The following USP11 variants were observed in gnomAD, a reference collection of about 807,000 sequenced individuals.
The protein encoded by USP11 is ubiquitin carboxyl-terminal hydrolase 11.
Under a neutral mutation model 72.8 loss-of-function variants are expected in USP11, and 5 were observed. The observed-to-expected ratio is 0.07, with a 90% CI of 0.04 to 0.14. USP11 has a LOEUF of 0.14. Ranked by LOEUF, USP11 falls within the 10% of genes least tolerant of loss-of-function variation. The pLI is 1.00. For synonymous variants in USP11, 368 were observed against 326.5 expected, an observed-to-expected ratio of 1.13 and a Z score of -1.37; for missense variants, 480 against 794.7, an observed-to-expected ratio of 0.60 and a Z score of 4.76.
intron 1 of USP11, chrX:47,233,602 G>C: frequency 1.3e-6 from 1 of 772,577 alleles, no homozygotes; most frequent in Non-Finnish European, 1.6e-6. Context: ...GGCGAGGAGC[G>C]GTTTCCGATT....
At position 47,233,090 on chromosome X, in the gene USP11, C is replaced by T. The variant is rs2055352819; in HGVS notation, c.47C>T (p.Ala16Val). Residue 16 changes from alanine to valine, a missense_variant, in exon 1 of 21, where the codon GCG becomes GTG. Physicochemically the swap from Ala to Val is moderately conservative, Grantham distance 64. Transcript: ENST00000377107. ...CCAGCTGCTGCTGCGGCGGCTGTGG[C>T]GGCGGCAGCGGCGGTGACTGAGGAT... is the stretch of plus-strand genomic sequence containing the variant. ...ANPAAAAAAV[A>V]AAAAVTEDRE... is the part of the protein sequence containing the mutation. 2.5e-6 allele frequency: 3 copies of T among 1,195,552 alleles called. No homozygotes were observed. Among genetic ancestry groups the T allele is most frequent in the Non-Finnish European group, 3.4e-6 (3 of 886,792 alleles).
In USP11 at chrX:47,240,318, C is replaced by T; in HGVS notation, c.549C>T (p.Arg183=). 1 of 1,211,049 alleles carries T rather than the reference C, an allele frequency of 8.3e-7. No individual in the cohort carries two copies. ...CACCCCGCACAGGCCTAGTATTGCG[C>T]ACAGCTCGGGAGCGGTTTCTGGTGG... is the stretch of plus-strand genomic sequence containing the variant. ...SHTDSIGLVL[R]TARERFLVEP... Residue 183 remains arginine, a synonymous_variant, in exon 5 of 21, where the codon CGC becomes CGT. Coordinates refer to ENST00000377107, the MANE Select transcript of USP11 (RefSeq NM_001371072.1).
At chrX:47,238,918 T>G (rs2055388481) in intron 1 of USP11, 152 bp from the exon 2 acceptor site, 1 of 425,141 alleles carries the variant, frequency 2.4e-6, no homozygotes, top group African/African-American at 2.5e-5. Flanking sequence ...TTTCACTGAA[T>G]AAATTTTGCT....
chrX:47,238,047 A>G (rs2055382731), intron 1 of USP11, among the ~76,000 whole-genome samples: 1 of 111,733 alleles, frequency 8.9e-6, no homozygotes, highest in South Asian at 3.6e-4. Flanking sequence ...GTTGAACTGT[A>G]TACTGAAAAA....
At chrX:47,237,130 A>G (rs2055375915) in intron 1 of USP11, among the ~76,000 whole-genome samples, 2 of 112,109 alleles carry the variant, frequency 1.8e-5, no homozygotes. Context: ...TCTGCTCTTA[A>G]AAAGAAGTTG....
At chrX:47,234,847 C>T (rs923711644) in intron 1 of USP11, among the ~76,000 whole-genome samples, 2 of 111,672 alleles carry the variant, frequency 1.8e-5, no homozygotes, top group Middle Eastern at 4.6e-3. Flanking sequence ...ATGCTGTACA[C>T]TCTAAATATA....
chrX:47,246,686 C>T (rs974920856), intron 17 of USP11, among the ~76,000 whole-genome samples: 6 of 110,259 alleles, frequency 5.4e-5, no homozygotes, highest in African/African-American at 6.6e-5. Context: ...AGACATGGCA[C>T]GTGAGAGGCA....
Position 47,239,805 on chromosome X carries a change from A to G in USP11, c.433A>G (p.Asn145Asp). Residue 145 changes from asparagine (N) to aspartate (D), a missense_variant, in exon 4 of 21, where the codon AAC becomes GAC. Coordinates refer to ENST00000377107, the MANE Select transcript of USP11 (RefSeq NM_001371072.1). ...ACTCTTACAGGTCATAGAGCTGCCC[A>G]ACATCCAGAAGGTCGAAGTGTACCC... ...PIERKVIELP[N>D]IQKVEVYPVE... 1 of 1,211,803 alleles carries G rather than the reference A, an allele frequency of 8.3e-7. No individual in the cohort carries two copies. Among genetic ancestry groups the G allele is most frequent in the South Asian group, 1.8e-5 (1 of 56,992 alleles).
Position 47,247,412 on chromosome X carries a change from T to C in USP11, c.2529T>C (p.Asp843=). 8.3e-7 allele frequency: 1 copy of C among 1,210,538 alleles called. No homozygotes were observed. Among genetic ancestry groups the C allele is most frequent in the African/African-American group, 1.7e-5 (1 of 57,556 alleles). Residue 843 remains aspartate (D), a synonymous_variant, in exon 19 of 21, where the codon GAT becomes GAC. Coordinates refer to ENST00000377107, the MANE Select transcript of USP11 (RefSeq NM_001371072.1). The part of the protein sequence containing the change: ...AVSNHYGGMR[D]GHYTTFACNK... ...CCAACCATTATGGGGGCATGCGTGATGGACACTGTATGTGCCAGGCTGTGG... is the reference window on the plus strand; with the variant it reads ...CCAACCATTATGGGGGCATGCGTGACGGACACTGTATGTGCCAGGCTGTGG...
intron 13 of USP11, among the ~76,000 whole-genome samples, chrX:47,243,939 T>C (rs17147480): frequency 0.081 from 8,984 of 110,578 alleles, 932 homozygotes; most frequent in African/African-American, 0.28. Flanking sequence ...AAATCTAGAG[T>C]CTTTACTGTG....
rs1162795253 is a variant in USP11, at chrX:47,247,288, C to G, written c.2421-16C>G. 2 of 1,211,322 alleles carry G rather than the reference C, an allele frequency of 1.7e-6. No individual in the cohort carries two copies. The highest frequency in any genetic ancestry group is 1.8e-5 in the South Asian group (1 of 56,970). On this transcript the variant is annotated splice_polypyrimidine_tract_variant and intron_variant, in intron 18 of 20. Coordinates refer to ENST00000377107, the MANE Select transcript of USP11 (RefSeq NM_001371072.1). ...AGGAGGGGGTGTACCAGTATTAACC[C>G]TCTCCCCACCCACAGGGACCTGGAC...
chrX:47,243,632 G>T, intron 13 of USP11, 30 bp downstream of exon 13: 1 of 1,195,749 alleles, frequency 8.4e-7, no homozygotes, highest in Non-Finnish European at 1.1e-6. Flanking sequence ...GGGGTGGGGG[G>T]CGGAGGGGTC....
intron 10 of USP11, 24 bp from the exon 11 acceptor site, chrX:47,242,415 T>C: frequency 8.3e-7 from 1 of 1,211,798 alleles, no homozygotes; most frequent in South Asian, 1.8e-5. Flanking sequence ...TTTTGGTCTT[T>C]TGTGGATACC....
intron 1 of USP11, among the ~76,000 whole-genome samples, chrX:47,237,786 ATG>A (rs763902030): frequency 0.069 from 2,645 of 38,148 alleles, 63 homozygotes; most frequent in East Asian, 0.23. Flanking sequence ...GTGTGTGTGT[ATG>A]TGTGTGTGTG....
rs752228966 is a variant in USP11 at position 47,247,951 on chromosome X, GAAA to G, written c.*35_*37del. 406 of 1,012,934 alleles carry G rather than the reference GAAA, an allele frequency of 4.0e-4. No individual in the cohort carries two copies. The highest frequency in any genetic ancestry group is 2.5e-3 in the Admixed American group (53 of 21,262). 83.5% of individuals were successfully genotyped at this position (1,012,934 alleles called of 1,213,427 possible). ...ATTGAGAGCCCTGGGTCCTGCCACA[GAAA>G]AAAAAAAAAAAAAGCCCTCTCTGCA... is the stretch of plus-strand genomic sequence containing the variant. On this transcript the variant is annotated 3_prime_UTR_variant, in exon 21 of 21. Transcript: ENST00000377107.
intron 11 of USP11, 33 bp downstream of exon 11, chrX:47,242,555 C>T: frequency 8.3e-7 from 1 of 1,209,792 alleles, no homozygotes; most frequent in Admixed American, 2.2e-5. Flanking sequence ...GATGGGATTC[C>T]AGGGCAAGGA....
intron 1 of USP11, among the ~76,000 whole-genome samples, chrX:47,235,347 T>C (rs1399062293): frequency 1.8e-5 from 2 of 112,365 alleles, no homozygotes; most frequent in South Asian, 7.4e-4. Flanking sequence ...CATGGCATCA[T>C]TGGTGATGTT....
Position 47,240,632 on chromosome X carries a change from G to A in USP11, c.727G>A (p.Ala243Thr), listed in dbSNP as rs1001120579. The A allele has an allele frequency of 9.9e-6, 12 of 1,210,373 alleles. No homozygotes were observed. The highest frequency in any genetic ancestry group is 3.5e-5 in the South Asian group (2 of 56,858). ...TRKKDGTWPS[A>T]QLHVMNNNMS... is the part of the protein sequence containing the mutation. ...CAAGAAAGATGGCACTTGGCCCAGC[G>A]CACAGCTGCATGTCATGTGAGCCCT... The change falls in exon 6 of 21, where the codon GCA (alanine) becomes ACA (threonine). Residue 243 changes from alanine (A) to threonine (T), a missense_variant. Around this residue, in one of 5 missense-constraint regions of USP11, gnomAD observed 80 missense variants for 100.9 expected, o/e 0.79. Coordinates refer to ENST00000377107, the MANE Select transcript of USP11 (RefSeq NM_001371072.1).
At chrX:47,239,040 TAA>T in intron 1 of USP11, 28 bp from the exon 2 acceptor site, 1 of 1,150,413 alleles carries the variant, frequency 8.7e-7, no homozygotes, top group Non-Finnish European at 1.2e-6. Context: ...GCTACCCATG[TAA>T]CACCCTTGTT....
Sources: allele counts gnomAD v4.1 joint callset (sites outside exome capture counted in the v4.1 genomes callset), GRCh38; gene constraint gnomAD v4.1.1; regional missense constraint gnomAD v4.1.1; transcripts MANE v1.5; gene names NCBI Gene and HGNC (gene_info 2026-07-23, HGNC 2026-07-21).